Variants in CCAR2 observed in about 807,000 individuals in gnomAD.
The protein encoded by CCAR2 is cell cycle and apoptosis regulator 2.
CCAR2 carries 21 observed loss-of-function variants against 108.1 expected under a neutral mutation model. That is an observed-to-expected ratio of 0.19 (90% CI 0.14 to 0.28). The LOEUF (loss-of-function observed/expected upper bound fraction) is 0.28, where lower values mean the gene tolerates loss of function less well. Ranked by LOEUF, CCAR2 falls within the 10% of genes least tolerant of loss-of-function variation. The pLI is 1.00. For missense variants in CCAR2, 1,126 were observed against 1,177.0 expected (o/e 0.96, Z 0.63); for synonymous variants, 577 against 472.8 (o/e 1.22, Z -2.86).
Position 22,615,494 on chromosome 8 carries a change from C to T in CCAR2, c.1275C>T (p.Tyr425=). 6.2e-7 allele frequency: 1 copy of T among 1,613,934 alleles called. No homozygotes were observed. Among genetic ancestry groups the T allele is most frequent in the Non-Finnish European group, 8.5e-7 (1 of 1,180,022 alleles). The part of the protein sequence containing the change: ...PPRRLQTVVV[Y]LPDVWTIMPT... ...GGCGGCTTCAGACAGTGGTGGTGTA[C>T]CTGCCGGATGTCTGGACCATCATGC... The change falls in exon 12 of 21, where the codon TAC becomes TAT. Residue 425 remains tyrosine (Y), a synonymous_variant. Coordinates refer to ENST00000308511, the MANE Select transcript of CCAR2 (RefSeq NM_001393997.1).
At chr8:22,617,141 T>C (rs563264931) in intron 14 of CCAR2, among the ~76,000 whole-genome samples, 2 of 152,024 alleles carry the variant, frequency 1.3e-5, no homozygotes, top group Non-Finnish European at 2.9e-5. Context: ...TGAGCCACCA[T>C]GGCCAGCTGC....
rs201763424 is a variant in CCAR2 at position 22,606,867 on chromosome 8, G to A, written c.243-43G>A. ...AGGGGCAGTCAGGGTGGCCTGGCCA[G>A]GGTCCCTCTTCTGATGGGGCCTTCT... On this transcript the variant is annotated intron_variant, in intron 4 of 20. Coordinates refer to ENST00000308511, the MANE Select transcript of CCAR2 (RefSeq NM_001393997.1). 5.6e-5 allele frequency: 89 copies of A among 1,599,462 alleles called. No individual in the cohort carries two copies. The South Asian group carries it at 9.0e-4, about 16-fold the overall frequency.
rs755617496 is a variant in CCAR2 at position 22,620,417 on chromosome 8, G to GGTTTTTT, written c.*735_*736insGTTTTTT. 8.1e-6 allele frequency: 1 copy of GGTTTTTT among 124,094 alleles called. No individual in the cohort carries two copies. Among genetic ancestry groups the GGTTTTTT allele is most frequent in the African/African-American group, 3.0e-5 (1 of 33,886 alleles). 7.7% of individuals were successfully genotyped at this position (124,094 alleles called of 1,614,324 possible). A position where few individuals can be genotyped will look rare whatever the true frequency, so the allele number is the denominator to read the frequency against. On this transcript the variant is annotated 3_prime_UTR_variant, in exon 21 of 21. Transcript: ENST00000308511. ...GTTTGACTTTGTATATAAAGTTGGG[G>GGTTTTTT]TTTTTTTTTTTTTTTTTTGGCTTGT...
chr8:22,619,438 G>C (rs1204394943), intron 20 of CCAR2, 83 bp downstream of exon 20: 2 of 1,496,526 alleles, frequency 1.3e-6, no homozygotes, highest in Admixed American at 2.0e-5. Flanking sequence ...GCCCGTGTCG[G>C]GAGTGACCAG....
chr8:22,619,780 G>C lies in CCAR2; in HGVS notation c.*98G>C, dbSNP rs1801691339. On this transcript the variant is annotated 3_prime_UTR_variant, in exon 21 of 21. Coordinates refer to ENST00000308511, the MANE Select transcript of CCAR2 (RefSeq NM_001393997.1). The stretch of plus-strand genomic sequence containing the variant: ...AGAAAGCAGCGAGAGCGAGACCTGG[G>C]AGCCAGGGCAGGGGTGGCTGACCCC... 7.3e-7 allele frequency: 1 copy of C among 1,367,956 alleles called. No individual in the cohort carries two copies. The highest frequency in any genetic ancestry group is 1.0e-6 in the Non-Finnish European group (1 of 991,294). 84.7% of individuals were successfully genotyped at this position (1,367,956 alleles called of 1,614,324 possible). A position where few individuals can be genotyped will look rare whatever the true frequency, so the allele number is the denominator to read the frequency against.
intron 10 of CCAR2, 94 bp from the exon 11 acceptor site, chr8:22,614,744 G>A (rs1801429915): frequency 6.5e-7 from 1 of 1,550,102 alleles, no homozygotes. Flanking sequence ...CCCACTTCCG[G>A]CTGCCTTCAT....
At chr8:22,610,921 A>G (rs1801247845) in intron 7 of CCAR2, among the ~76,000 whole-genome samples, 1 of 152,230 alleles carries the variant, frequency 6.6e-6, no homozygotes, top group African/African-American at 2.4e-5. Context: ...TTTTCTCCTC[A>G]ACTATTTTTA....
rs1037368251 is a variant in CCAR2 at position 22,619,881 on chromosome 8, G to A, written c.*199G>A. The A allele has an allele frequency of 1.5e-5, 9 of 597,472 alleles. No homozygotes were observed. The highest frequency in any genetic ancestry group is 2.0e-5 in the South Asian group (1 of 49,710). The allele number at this position is 597,472 out of a possible 1,614,324, so 37.0% of individuals were successfully genotyped here. On this transcript the variant is annotated 3_prime_UTR_variant, in exon 21 of 21. Coordinates refer to ENST00000308511, the MANE Select transcript of CCAR2 (RefSeq NM_001393997.1). ...GTGGGATGGATGTGTGAGGAACCCC[G>A]GTTCCACTTAACAACTAAATACAAC...
chr8:22,612,014 G>A (rs1801305163), intron 7 of CCAR2, among the ~76,000 whole-genome samples: 1 of 150,918 alleles, frequency 6.6e-6, no homozygotes, highest in African/African-American at 2.4e-5. Context: ...GCGCGATCTC[G>A]GCTCACTGCC....
chr8:22,606,562 C>G (rs781310578), intron 3 of CCAR2, 45 bp from the exon 4 acceptor site: 2 of 1,497,298 alleles, frequency 1.3e-6, no homozygotes, highest in Non-Finnish European at 1.9e-6. Flanking sequence ...GTGATTTTGT[C>G]CAGTTTCCTC....
At chr8:22,611,152 G>A (rs1002528487) in intron 7 of CCAR2, among the ~76,000 whole-genome samples, 2 of 151,696 alleles carry the variant, frequency 1.3e-5, no homozygotes, top group African/African-American at 4.8e-5. Context: ...CTTGAAGTCA[G>A]GAGTTCAAAA....
chr8:22,609,693 A>C (rs1801206301), intron 7 of CCAR2, among the ~76,000 whole-genome samples: 1 of 152,112 alleles, frequency 6.6e-6, no homozygotes, highest in South Asian at 2.1e-4. Context: ...CTTCATTACA[A>C]AATCACAGCA....
At chr8:22,613,355 CTTTTTTTTT>C (rs5890057) in intron 8 of CCAR2, among the ~76,000 whole-genome samples, 1,414 of 125,852 alleles carry the variant, frequency 0.011, 24 homozygotes, top group African/African-American at 0.037. Context: ...AGATCTAGTT[CTTTTTTTTT>C]TTTTTTTTTT....
At chr8:22,616,960 C>A (rs1394104012) in intron 14 of CCAR2, among the ~76,000 whole-genome samples, 1 of 91,584 alleles carries the variant, frequency 1.1e-5, no homozygotes, top group Non-Finnish European at 1.9e-5. Context: ...CGGCTCACTG[C>A]AACCTCTGCC....
rs201084892 is a variant in CCAR2, at chr8:22,605,733, A to C, written c.-38-3A>C. On this transcript the variant is annotated splice_polypyrimidine_tract_variant and splice_region_variant and intron_variant, in intron 1 of 20. Transcript: ENST00000308511. The stretch of plus-strand genomic sequence containing the variant: ...TGTTAATTTCTTTCTTTTTGGATTG[A>C]AGCCTTTTCCCCACGACTCTGAAAG... 4 of 1,569,194 alleles carry C rather than the reference A, an allele frequency of 2.5e-6. No individual in the cohort carries two copies. The highest frequency in any genetic ancestry group is 3.5e-6 in the Non-Finnish European group (4 of 1,143,978).
chr8:22,619,864 G>C lies in CCAR2; in HGVS notation c.*182G>C. On this transcript the variant is annotated 3_prime_UTR_variant, in exon 21 of 21. Coordinates refer to ENST00000308511, the MANE Select transcript of CCAR2 (RefSeq NM_001393997.1). ...GCTGGGGGCTGTGCTATGTGGGATG[G>C]ATGTGTGAGGAACCCCGGTTCCACT... 1 of 616,552 alleles carries C rather than the reference G, an allele frequency of 1.6e-6. No individual in the cohort carries two copies. Among genetic ancestry groups the C allele is most frequent in the South Asian group, 1.9e-5 (1 of 51,300 alleles). The allele number at this position is 616,552 out of a possible 1,614,324, so 38.2% of individuals were successfully genotyped here.
Position 22,616,039 on chromosome 8 carries a change from G to C in CCAR2, c.1636G>C (p.Glu546Gln). The C allele has an allele frequency of 1.9e-6, 3 of 1,614,072 alleles. No homozygotes were observed. Among genetic ancestry groups the C allele is most frequent in the Non-Finnish European group, 2.5e-6 (3 of 1,180,020 alleles). Reference sequence around the variant, plus strand: ...GATGGTGCTGGCCGAGCTGTTTCTGGAGATGCTCCAGAGGGATTTTGGCTA... The same window carrying C: ...GATGGTGCTGGCCGAGCTGTTTCTGCAGATGCTCCAGAGGGATTTTGGCTA... ...EVMVLAELFL[E>Q]MLQRDFGYRV... The change falls in exon 14 of 21, where the codon GAG becomes CAG. Residue 546 changes from glutamate (E) to glutamine (Q), a missense_variant. Around this residue, in one of 4 missense-constraint regions of CCAR2, gnomAD observed 1,013 missense variants for 993.9 expected, o/e 1.02. Coordinates refer to ENST00000308511, the MANE Select transcript of CCAR2 (RefSeq NM_001393997.1).
At chr8:22,616,897 G>T (rs112157923) in intron 14 of CCAR2, among the ~76,000 whole-genome samples, 24,499 of 42,342 alleles carry the variant, frequency 0.58, 7,075 homozygotes, top group East Asian at 0.73. Flanking sequence ...TTTTTTTTTT[G>T]GGGAGATGGA....
chr8:22,621,230 G>C, downstream of CCAR2: 1 of 682,122 alleles, frequency 1.5e-6, no homozygotes, highest in African/African-American at 1.8e-5. Flanking sequence ...TGCTGGGGCT[G>C]TGAGTGGGGA....
Sources: gnomAD v4.1 joint callset for allele counts (sites outside exome capture counted in the v4.1 genomes callset) on GRCh38, gnomAD v4.1.1 for gene constraint, gnomAD v4.1.1 regional missense constraint, MANE v1.5 for transcripts, NCBI Gene and HGNC (gene_info 2026-07-23, HGNC 2026-07-21) for gene names.